NAALADL2: variants seen among roughly 807,000 people sequenced by gnomAD.
NAALADL2 encodes the protein inactive N-acetylated-alpha-linked acidic dipeptidase-like protein 2.
In NAALADL2, 76 loss-of-function variants were observed where a neutral mutation model predicts 87.2. The ratio of observed to expected loss-of-function variants is 0.87; its 90% CI spans 0.72 to 1.05. The LOEUF (loss-of-function observed/expected upper bound fraction) is 1.05, where lower values mean the gene tolerates loss of function less well. Among genes scored for constraint, NAALADL2 ranks in the 50% least tolerant of loss-of-function variants. The pLI is 0.00. For synonymous variants in NAALADL2, 354 were observed against 331.0 expected (o/e 1.07, Z -0.75); for missense variants, 1,089 against 945.8 (o/e 1.15, Z -1.99).
At chr3:175,379,752 G>T (rs759399640) in intron 5 of NAALADL2, among the ~76,000 whole-genome samples, 1 of 151,854 alleles carries the variant, frequency 6.6e-6, no homozygotes. Flanking sequence ...TTCCTCAAAG[G>T]TTTGTCTGAT....
intron 2 of NAALADL2, among the ~76,000 whole-genome samples, chr3:175,103,680 G>T (rs1722617993): frequency 6.6e-6 from 1 of 152,094 alleles, no homozygotes; most frequent in Non-Finnish European, 1.5e-5. Context: ...TGGATCAAAA[G>T]ATACAAATAA....
At chr3:174,957,571 A>G (rs1579720497) in intron 1 of NAALADL2, among the ~76,000 whole-genome samples, 1 of 152,038 alleles carries the variant, frequency 6.6e-6, no homozygotes, top group South Asian at 2.1e-4. Flanking sequence ...GGAAGACCCA[A>G]TAGAAAAAGT....
At position 174,930,614 on chromosome 3, in the gene NAALADL2, CTTTTT is replaced by C. The variant is rs760690405; in HGVS notation, c.43+71185_43+71189del. ...TTGCAAGTCCTTTAAATAAGATGAA[CTTTTT>C]TTTTTTTTTTTTTTTTTTTTGAGAC... On this transcript the variant is annotated intron_variant, in intron 1 of 13. Coordinates refer to ENST00000454872, the MANE Select transcript of NAALADL2 (RefSeq NM_207015.3). Among the ~76,000 whole-genome samples the C allele has an allele frequency of 4.2e-4, 28 of 66,814 alleles. No homozygotes were observed. The East Asian group carries it at 6.4e-3, about 15-fold the overall frequency. The allele number at this position is 66,814 out of a possible 152,430, so 43.8% of individuals were successfully genotyped here. A position where few individuals can be genotyped will look rare whatever the true frequency, so the allele number is the denominator to read the frequency against.
intron 2 of NAALADL2, among the ~76,000 whole-genome samples, chr3:175,213,528 G>A (rs1001653230): frequency 7.2e-5 from 11 of 152,034 alleles, no homozygotes; most frequent in African/African-American, 2.7e-4. Flanking sequence ...TTGAAGGCAT[G>A]GAGACATACA....
intron 2 of NAALADL2, among the ~76,000 whole-genome samples, chr3:175,098,608 G>T (rs1382337293): frequency 6.6e-6 from 1 of 152,136 alleles, no homozygotes; most frequent in African/African-American, 2.4e-5. Flanking sequence ...CAGTTGTCCT[G>T]TTAGCTGAAA....
intron 1 of NAALADL2, among the ~76,000 whole-genome samples, chr3:174,535,133 A>G (rs1721612233): frequency 6.6e-6 from 1 of 152,198 alleles, no homozygotes; most frequent in Admixed American, 6.5e-5. Flanking sequence ...TCTACTGAAC[A>G]TTACCTGAAA....
At chr3:175,131,693 G>A (rs1727907858) in intron 2 of NAALADL2, among the ~76,000 whole-genome samples, 1 of 151,994 alleles carries the variant, frequency 6.6e-6, no homozygotes, top group South Asian at 2.1e-4. Flanking sequence ...CGGGCAGAGG[G>A]TCTCCTCACT....
At chr3:174,670,449 C>G (rs1726425094) in intron 2 of NAALADL2, among the ~76,000 whole-genome samples, 1 of 151,832 alleles carries the variant, frequency 6.6e-6, no homozygotes, top group Non-Finnish European at 1.5e-5. Context: ...TTTCCTATTA[C>G]TTATTTTTTA....
Position 175,422,571 on chromosome 3 carries a change from A to G in NAALADL2, c.1091-24658A>G, listed in dbSNP as rs552903501. 7.2e-5 allele frequency among the ~76,000 whole-genome samples: 11 copies of G among 152,190 alleles called. 1 individual carries two copies. In the South Asian group the frequency reaches 2.3e-3, roughly 32 times the overall value. On this transcript the variant is annotated intron_variant, in intron 5 of 13. Coordinates refer to ENST00000454872, the MANE Select transcript of NAALADL2 (RefSeq NM_207015.3). ...GCCAACCTAGAAATCTTCTCCACAA[A>G]GGTAGAAGAGAAAAAAAAAATCTTT...
intron 9 of NAALADL2, among the ~76,000 whole-genome samples, chr3:175,503,107 G>A (rs1308973528): frequency 2.0e-5 from 3 of 151,708 alleles, no homozygotes; most frequent in African/African-American, 7.3e-5. Flanking sequence ...AGTAGGCCTT[G>A]GTGTCTATTG....
intron 2 of NAALADL2, among the ~76,000 whole-genome samples, chr3:175,161,799 A>G (rs190443212): frequency 2.0e-4 from 30 of 152,284 alleles, no homozygotes; most frequent in Admixed American, 1.6e-3. Flanking sequence ...AAGGAAAGAG[A>G]CAATTAATGA....
intron 1 of NAALADL2, among the ~76,000 whole-genome samples, chr3:174,882,809 GTGCATA>G (rs1729551786): frequency 1.1e-5 from 1 of 91,866 alleles, no homozygotes; most frequent in African/African-American, 7.8e-5. Context: ...GTGTGTATAT[GTGCATA>G]TGTGTATATA....
intron 11 of NAALADL2, among the ~76,000 whole-genome samples, chr3:175,704,749 C>T (rs988792755): frequency 1.3e-5 from 2 of 152,066 alleles, no homozygotes; most frequent in African/African-American, 2.4e-5. Flanking sequence ...TTCATATTTC[C>T]CCATGTCTTA....
intron 13 of NAALADL2, among the ~76,000 whole-genome samples, chr3:175,759,325 G>C (rs1293070144): frequency 2.0e-5 from 3 of 150,508 alleles, no homozygotes; most frequent in Non-Finnish European, 4.4e-5. Context: ...AAGAGAGAAA[G>C]TATTGTCTTG....
intron 2 of NAALADL2, among the ~76,000 whole-genome samples, chr3:174,678,803 ATTTG>A (rs1727272925): frequency 6.6e-6 from 1 of 152,082 alleles, no homozygotes; most frequent in South Asian, 2.1e-4. Context: ...TTTAGTTTAA[ATTTG>A]TTTGTCATGT....
Position 175,362,903 on chromosome 3 carries a change from T to C in NAALADL2, c.1090+38578T>C, listed in dbSNP as rs570846822. 1.1e-4 allele frequency among the ~76,000 whole-genome samples: 16 copies of C among 148,190 alleles called. 3 individuals are homozygous for C. In the South Asian group the frequency reaches 1.5e-3, roughly 14 times the overall value. ...GAAGGAGTAAGGTGGTATCACCTTGTGGTTTTGATTTTCATTTCCCTGATC... is the reference window on the plus strand; with the variant it reads ...GAAGGAGTAAGGTGGTATCACCTTGCGGTTTTGATTTTCATTTCCCTGATC... On this transcript the variant is annotated intron_variant, in intron 5 of 13. Transcript: ENST00000454872.
intron 1 of NAALADL2, among the ~76,000 whole-genome samples, chr3:174,863,472 G>A (rs1401952797): frequency 6.6e-6 from 1 of 151,960 alleles, no homozygotes; most frequent in East Asian, 1.9e-4. Context: ...TTTCATTACA[G>A]CTAGGAGAAG....
intron 9 of NAALADL2, among the ~76,000 whole-genome samples, chr3:175,511,657 T>C (rs191970911): frequency 3.9e-5 from 6 of 152,304 alleles, no homozygotes; most frequent in Non-Finnish European, 8.8e-5. Context: ...CTCTCACTCA[T>C]TGTTATCCCA....
In NAALADL2 at chr3:174,798,425, C is replaced by T. The variant is rs190929655; in HGVS notation, c.-9+60679C>T. On this transcript the variant is annotated intron_variant, in intron 3 of 3. Transcript: ENST00000434257. ...GGCCTCTTCTGGGTGTATTGAAGTTCCATATGAATTTCAGCATCAGCTTGC... is the reference window on the plus strand; with the variant it reads ...GGCCTCTTCTGGGTGTATTGAAGTTTCATATGAATTTCAGCATCAGCTTGC... Among the ~76,000 whole-genome samples, 13 of 152,224 alleles carry T rather than the reference C, an allele frequency of 8.5e-5. No homozygotes were observed. The East Asian group carries it at 1.9e-3, about 23-fold the overall frequency.
Sources: gnomAD v4.1 joint callset for allele counts (sites outside exome capture counted in the v4.1 genomes callset) on GRCh38, gnomAD v4.1.1 for gene constraint, MANE v1.5 for transcripts, NCBI Gene and HGNC (gene_info 2026-07-23, HGNC 2026-07-21) for gene names.